ITGA9: variants seen among roughly 807,000 people sequenced by gnomAD.
ITGA9 encodes integrin alpha-9.
A neutral mutation model predicts 127.8 loss-of-function variants in ITGA9; 56 were observed. That is an observed-to-expected ratio of 0.44 (90% CI 0.35 to 0.55). The LOEUF (loss-of-function observed/expected upper bound fraction) is 0.55. Among genes scored for constraint, ITGA9 ranks in the 20% least tolerant of loss-of-function variants. The probability of loss-of-function intolerance (pLI) is 0.00; values close to 1 mark genes in which losing one functional copy is unlikely to be tolerated. For missense variants in ITGA9, 1,196 were observed against 1,347.1 expected (o/e 0.89, Z 1.76); for synonymous variants, 508 against 514.5 (o/e 0.99, Z 0.17).
intron 26 of ITGA9, among the ~76,000 whole-genome samples, chr3:37,794,252 G>T (rs1436675491): frequency 6.6e-6 from 1 of 152,204 alleles, no homozygotes; most frequent in Non-Finnish European, 1.5e-5. Flanking sequence ...CCCACAGCCG[G>T]TCAGTGGAAG....
At chr3:37,556,265 A>C (rs1375392780) in intron 15 of ITGA9, among the ~76,000 whole-genome samples, 5 of 152,214 alleles carry the variant, frequency 3.3e-5, no homozygotes, top group Non-Finnish European at 7.3e-5. Flanking sequence ...ACTTCTTAGT[A>C]GGGGTCTGGT....
intron 23 of ITGA9, among the ~76,000 whole-genome samples, chr3:37,774,610 C>T (rs1297096900): frequency 2.0e-5 from 3 of 151,622 alleles, no homozygotes; most frequent in African/African-American, 7.3e-5. Context: ...GCCTATAGTC[C>T]CAGCTACTCA....
At chr3:37,568,293 C>T (rs1408311146) in intron 15 of ITGA9, among the ~76,000 whole-genome samples, 2 of 152,236 alleles carry the variant, frequency 1.3e-5, no homozygotes, top group African/African-American at 4.8e-5. Flanking sequence ...CTAGGCTGCA[C>T]AGAGCAGGGG....
chr3:37,493,303 G>A (rs1254405289), intron 4 of ITGA9, among the ~76,000 whole-genome samples: 2 of 152,158 alleles, frequency 1.3e-5, no homozygotes, highest in African/African-American at 2.4e-5. Flanking sequence ...TAGTTTCATT[G>A]TTCCTTTGTA....
At chr3:37,775,380 C>T (rs568696370) in intron 23 of ITGA9, among the ~76,000 whole-genome samples, 253 of 152,256 alleles carry the variant, frequency 1.7e-3, no homozygotes, top group African/African-American at 5.9e-3. Flanking sequence ...TGCGGTGGCT[C>T]ATGCCTGTAA....
At chr3:37,517,242 A>G (rs1477793823) in intron 9 of ITGA9, among the ~76,000 whole-genome samples, 1 of 152,196 alleles carries the variant, frequency 6.6e-6, no homozygotes, top group Non-Finnish European at 1.5e-5. Flanking sequence ...CAGAGAGTGT[A>G]GTCATTGGCT....
chr3:37,741,906 C>T, intron 21 of ITGA9, 87 bp downstream of exon 21: 1 of 1,097,556 alleles, frequency 9.1e-7, no homozygotes, highest in Non-Finnish European at 1.4e-6. Context: ...TGTAGCCAGC[C>T]AGGAGCCAAG....
At chr3:37,476,947 A>G (rs1269748767) in intron 3 of ITGA9, among the ~76,000 whole-genome samples, 4 of 151,850 alleles carry the variant, frequency 2.6e-5, no homozygotes, top group African/African-American at 9.7e-5. Context: ...ACAATTAGAA[A>G]CCAAATTAGT....
chr3:37,526,130 T>C (rs1334006215), intron 13 of ITGA9, 59 bp downstream of exon 13: 21 of 1,419,328 alleles, frequency 1.5e-5, no homozygotes, highest in Non-Finnish European at 2.1e-5. Context: ...GATGGAGCCA[T>C]TCACCATTCA....
chr3:37,780,200 G>A (rs1328293400), intron 25 of ITGA9, among the ~76,000 whole-genome samples, 179 bp downstream of exon 25: 1 of 152,046 alleles, frequency 6.6e-6, no homozygotes, highest in Non-Finnish European at 1.5e-5. Flanking sequence ...GTATTTAGGG[G>A]GTACAAGTGC....
chr3:37,564,253 A>G (rs150927594), intron 15 of ITGA9, among the ~76,000 whole-genome samples: 1 of 152,304 alleles, frequency 6.6e-6, no homozygotes, highest in East Asian at 1.9e-4. Context: ...CTCTCTACTC[A>G]TGTAGAAACT....
chr3:37,466,193 G>T (rs1483877028), intron 1 of ITGA9, among the ~76,000 whole-genome samples: 1 of 152,074 alleles, frequency 6.6e-6, no homozygotes, highest in Admixed American at 6.5e-5. Flanking sequence ...GACCTAAAAG[G>T]CTTATGAGGC....
intron 23 of ITGA9, among the ~76,000 whole-genome samples, chr3:37,775,673 A>C (rs1040300590): frequency 1.3e-5 from 2 of 152,046 alleles, no homozygotes; most frequent in African/African-American, 4.8e-5. Flanking sequence ...AAAAGTCAAA[A>C]ATCAACAGAT....
chr3:37,717,055 T>C (rs565863632), intron 18 of ITGA9, among the ~76,000 whole-genome samples: 1 of 152,370 alleles, frequency 6.6e-6, no homozygotes, highest in South Asian at 2.1e-4. Context: ...TGCTCCTTCC[T>C]GTCCTCGTGG....
intron 15 of ITGA9, among the ~76,000 whole-genome samples, chr3:37,543,926 T>C (rs527716874): frequency 1.3e-5 from 2 of 152,368 alleles, no homozygotes. Context: ...CCTGTGCCTG[T>C]TAAGCCATAC....
At chr3:37,596,214 G>A (rs374231730) in intron 15 of ITGA9, among the ~76,000 whole-genome samples, 2 of 152,218 alleles carry the variant, frequency 1.3e-5, no homozygotes, top group African/African-American at 4.8e-5. Flanking sequence ...AAGAGGTGGT[G>A]AGTCTTTCTA....
intron 17 of ITGA9, among the ~76,000 whole-genome samples, chr3:37,668,618 G>T (rs1406807122): frequency 6.6e-6 from 1 of 152,138 alleles, no homozygotes. Flanking sequence ...ACCCATCCCG[G>T]CACAGGCTTG....
chr3:37,812,730 C>A (rs1697383389), intron 27 of ITGA9, among the ~76,000 whole-genome samples: 1 of 151,982 alleles, frequency 6.6e-6, no homozygotes, highest in Non-Finnish European at 1.5e-5. Context: ...GAGTCACCTC[C>A]TCTAGGGTTT....
rs533285121 is a variant in ITGA9, at chr3:37,577,713, A to G, written c.1689+35128A>G. 1.5e-4 allele frequency among the ~76,000 whole-genome samples: 23 copies of G among 152,322 alleles called. 2 individuals are homozygous for G. The South Asian group carries it at 3.9e-3, about 26-fold the overall frequency. On this transcript the variant is annotated intron_variant, in intron 15 of 27. Coordinates refer to ENST00000264741, the MANE Select transcript of ITGA9 (RefSeq NM_002207.3). ...TGGTACAAGAGGAGCAATTAATAAA[A>G]CCTTCCATTTCCACATCTACTGTGA...
Sources: gnomAD v4.1 joint callset for allele counts (sites outside exome capture counted in the v4.1 genomes callset) on GRCh38, gnomAD v4.1.1 for gene constraint, MANE v1.5 for transcripts, NCBI Gene and HGNC (gene_info 2026-07-23, HGNC 2026-07-21) for gene names.